The following SLC25A12 variants were observed in gnomAD, a reference collection of about 807,000 sequenced individuals.
The protein encoded by SLC25A12 is electrogenic aspartate/glutamate antiporter SLC25A12, mitochondrial.
A neutral mutation model predicts 83.3 loss-of-function variants in SLC25A12; 32 were observed. That is an observed-to-expected ratio of 0.38 (90% confidence interval 0.29 to 0.52). SLC25A12 has a LOEUF of 0.52. SLC25A12 is among the 20% of genes least tolerant of loss of function. SLC25A12 has a pLI of 0.84. For missense variants in SLC25A12, 611 were observed against 835.6 expected (o/e 0.73, Z 3.31); for synonymous variants, 267 against 291.1 (o/e 0.92, Z 0.84).
chr2:171,859,344 T>C (rs923114134), intron 3 of SLC25A12, among the ~76,000 whole-genome samples: 2 of 152,176 alleles, frequency 1.3e-5, no homozygotes, highest in African/African-American at 2.4e-5. Context: ...TGGTGACACA[T>C]GCCTGTAGTC....
Position 171,880,480 on chromosome 2 carries a change from G to A in SLC25A12, c.67-11657C>T, listed in dbSNP as rs1685667427. ...TTTAGTAGAGGCGGGGTTTTACCATGTTGGCCAGGCTGGCCTCGAACTCCT... is the reference window on the plus strand; with the variant it reads ...TTTAGTAGAGGCGGGGTTTTACCATATTGGCCAGGCTGGCCTCGAACTCCT... On this transcript the variant is annotated intron_variant, in intron 2 of 17. Coordinates refer to ENST00000422440, the MANE Select transcript of SLC25A12 (RefSeq NM_003705.5). Among the ~76,000 whole-genome samples, 4 of 152,164 alleles carry A rather than the reference G, an allele frequency of 2.6e-5. No homozygotes were observed. The South Asian group carries it at 8.3e-4, about 32-fold the overall frequency.
chr2:171,804,643 G>A (rs1467449310), intron 13 of SLC25A12, among the ~76,000 whole-genome samples: 1 of 152,222 alleles, frequency 6.6e-6, no homozygotes, highest in Non-Finnish European at 1.5e-5. Flanking sequence ...CAAGTGCAGT[G>A]GCTCGTATCT....
intron 13 of SLC25A12, among the ~76,000 whole-genome samples, chr2:171,794,122 A>C (rs561043918): frequency 6.6e-6 from 1 of 152,360 alleles, no homozygotes; most frequent in East Asian, 1.9e-4. Flanking sequence ...GTACTCAATG[A>C]AAGAAAAAGA....
chr2:171,861,024 C>T (rs368860188), intron 3 of SLC25A12, among the ~76,000 whole-genome samples: 1 of 151,728 alleles, frequency 6.6e-6, no homozygotes, highest in African/African-American at 2.4e-5. Context: ...CTCAGGAAGT[C>T]GAGGCTGCAG....
intron 4 of SLC25A12, among the ~76,000 whole-genome samples, chr2:171,854,421 G>T (rs979081509): frequency 6.6e-6 from 1 of 152,140 alleles, no homozygotes; most frequent in African/African-American, 2.4e-5. Flanking sequence ...ACAAAAATTA[G>T]CTGGGCATGG....
intron 2 of SLC25A12, among the ~76,000 whole-genome samples, chr2:171,886,711 C>T (rs891335785): frequency 6.6e-6 from 1 of 151,996 alleles, no homozygotes; most frequent in Non-Finnish European, 1.5e-5. Context: ...AGGGTTTCAC[C>T]ATGTTAGCCA....
At chr2:171,803,711 A>T (rs1683760614) in intron 13 of SLC25A12, among the ~76,000 whole-genome samples, 4 of 152,180 alleles carry the variant, frequency 2.6e-5, no homozygotes, top group Non-Finnish European at 5.9e-5. Context: ...ACTTGAGGCC[A>T]GGAGTTCGAG....
At chr2:171,799,299 T>C (rs1258573718) in intron 13 of SLC25A12, among the ~76,000 whole-genome samples, 1 of 152,220 alleles carries the variant, frequency 6.6e-6, no homozygotes, top group Non-Finnish European at 1.5e-5. Flanking sequence ...AAGCCACTTT[T>C]GACATAAATA....
intron 9 of SLC25A12, among the ~76,000 whole-genome samples, chr2:171,822,811 C>T (rs900695782): frequency 6.6e-6 from 1 of 152,194 alleles, no homozygotes; most frequent in African/African-American, 2.4e-5. Context: ...CCATCATAAA[C>T]AAGTGTTTTC....
At chr2:171,807,076 T>C (rs2105855638) in intron 13 of SLC25A12, among the ~76,000 whole-genome samples, 1 of 152,384 alleles carries the variant, frequency 6.6e-6, no homozygotes, top group East Asian at 1.9e-4. Flanking sequence ...AATTATGTTT[T>C]AACAATCATT....
chr2:171,785,213 G>T lies in SLC25A12; in HGVS notation c.*61C>A. 1 of 1,484,876 alleles carries T rather than the reference G, an allele frequency of 6.7e-7. No homozygotes were observed. The highest frequency in any genetic ancestry group is 9.4e-7 in the Non-Finnish European group (1 of 1,064,020). The allele number at this position is 1,484,876 out of a possible 1,614,324, so 92.0% of individuals were successfully genotyped here. On this transcript the variant is annotated 3_prime_UTR_variant, in exon 18 of 18. Coordinates refer to ENST00000422440, the MANE Select transcript of SLC25A12 (RefSeq NM_003705.5). ...ATGCAGCTGACTGGATACATTACAG[G>T]GCTGCTCTCCTAGGCCTCTTTCTTC...
Position 171,784,213 on chromosome 2 carries a change from C to T in SLC25A12, c.*1061G>A, listed in dbSNP as rs1368634358. On this transcript the variant is annotated 3_prime_UTR_variant, in exon 18 of 18. Transcript: ENST00000422440. ...CTTTTCTTCTCTTTCTTCTTCCCTC[C>T]CTTCACTCTGCGCTAGCCCTTTCTA... 6.6e-6 allele frequency among the ~76,000 whole-genome samples: 1 copy of T among 152,190 alleles called. No homozygotes were observed. The highest frequency in any genetic ancestry group is 2.4e-5 in the African/African-American group (1 of 41,444).
intron 5 of SLC25A12, among the ~76,000 whole-genome samples, chr2:171,839,650 C>G (rs2105891190): frequency 6.6e-6 from 1 of 152,128 alleles, no homozygotes; most frequent in South Asian, 2.1e-4. Flanking sequence ...AGGACAAAGA[C>G]AACAGAAAAG....
At chr2:171,881,090 A>C (rs961292626) in intron 2 of SLC25A12, among the ~76,000 whole-genome samples, 1 of 152,230 alleles carries the variant, frequency 6.6e-6, no homozygotes, top group African/African-American at 2.4e-5. Flanking sequence ...TGACACAGTA[A>C]GCATTAGCTA....
At chr2:171,892,129 T>A (rs1354002313) in intron 2 of SLC25A12, among the ~76,000 whole-genome samples, 1 of 152,178 alleles carries the variant, frequency 6.6e-6, no homozygotes, top group Non-Finnish European at 1.5e-5. Context: ...AAGGTCAAAG[T>A]GTCTTCATAA....
chr2:171,838,307 G>T (rs937127828), intron 5 of SLC25A12, among the ~76,000 whole-genome samples: 7 of 151,754 alleles, frequency 4.6e-5, no homozygotes, highest in African/African-American at 1.7e-4. Flanking sequence ...TTTTCCTATG[G>T]ACTTGTGATA....
intron 2 of SLC25A12, among the ~76,000 whole-genome samples, chr2:171,873,153 A>G (rs916829156): frequency 3.9e-5 from 6 of 152,214 alleles, no homozygotes; most frequent in Non-Finnish European, 8.8e-5. Flanking sequence ...GGCTATTACA[A>G]AGATACAGGG....
intron 2 of SLC25A12, among the ~76,000 whole-genome samples, chr2:171,879,525 T>G (rs1304624362): frequency 6.6e-6 from 1 of 152,120 alleles, no homozygotes; most frequent in Non-Finnish European, 1.5e-5. Flanking sequence ...CCAAAACAAT[T>G]TTCCACTCAA....
chr2:171,832,855 C>T (rs76801045), intron 8 of SLC25A12, among the ~76,000 whole-genome samples: 2,600 of 152,292 alleles, frequency 0.017, 86 homozygotes, highest in African/African-American at 0.06. Context: ...TGGCTTATGT[C>T]TTTTCCTATA....
Sources: allele counts gnomAD v4.1 joint callset (sites outside exome capture counted in the v4.1 genomes callset), GRCh38; gene constraint gnomAD v4.1.1; transcripts MANE v1.5; gene names NCBI Gene and HGNC (gene_info 2026-07-23, HGNC 2026-07-21).